STS: variants seen among roughly 807,000 people sequenced by gnomAD.
STS encodes steryl-sulfatase.
In STS, 7 loss-of-function variants were observed where a neutral mutation model predicts 26.8. That is an observed-to-expected ratio of 0.26 (90% CI 0.15 to 0.49). STS has a LOEUF of 0.49. STS is among the 20% of genes least tolerant of loss of function. The pLI is 0.98. For missense variants in STS, 434 were observed against 465.6 expected (o/e 0.93, Z 0.63); for synonymous variants, 199 against 189.4 (o/e 1.05, Z -0.42).
At chrX:7,299,154 G>A (rs1379715307) in intron 7 of STS, among the ~76,000 whole-genome samples, 3 of 88,422 alleles carry the variant, frequency 3.4e-5, no homozygotes, top group African/African-American at 1.3e-4. Context: ...TATATAAATT[G>A]TATAATTAAA....
At chrX:7,249,639 A>G (rs1426789156) in intron 2 of STS, among the ~76,000 whole-genome samples, 1 of 111,892 alleles carries the variant, frequency 8.9e-6, no homozygotes, top group African/African-American at 3.3e-5. Context: ...GAAAAGCCCT[A>G]GAAATACTGG....
intron 10 of STS, among the ~76,000 whole-genome samples, chrX:7,337,893 A>C (rs1928107491): frequency 8.9e-6 from 1 of 112,253 alleles, no homozygotes; most frequent in African/African-American, 3.2e-5. Flanking sequence ...TAAATGTTAT[A>C]ATTCCAAACT....
chrX:7,325,374 G>A lies in STS; in HGVS notation c.1117G>A (p.Val373Ile), dbSNP rs1927379542. 6 of 1,209,494 alleles carry A rather than the reference G, an allele frequency of 5.0e-6. No individual in the cohort carries two copies. The highest frequency in any genetic ancestry group is 3.5e-5 in the South Asian group (2 of 56,777). The change falls in exon 9 of 11, where the codon GTT becomes ATT. Residue 373 changes from valine to isoleucine, a missense_variant. Val to Ile is a conservative substitution (Grantham distance 29). This residue lies in a region of STS where 205 missense variants were observed against 177.3 expected (regional missense o/e 1.16). Coordinates refer to ENST00000674429, the MANE Select transcript of STS (RefSeq NM_001320752.2). ...KANNWEGGIRVPGILRWPRVI... is the reference protein window; with the variant it reads ...KANNWEGGIRIPGILRWPRVI... Reference sequence around the variant, plus strand: ...AAACAACTGGGAAGGAGGTATCCGGGTTCCAGGCATCCTTCGTTGGCCCAG... The same window carrying A: ...AAACAACTGGGAAGGAGGTATCCGGATTCCAGGCATCCTTCGTTGGCCCAG...
chrX:7,259,805 T>A, intron 6 of STS, 33 bp downstream of exon 6: 1 of 1,191,955 alleles, frequency 8.4e-7, no homozygotes. Flanking sequence ...ATGCTGCCTG[T>A]TAAAAAACAT....
rs1329657662 is a variant in STS, at chrX:7,308,940, AAATAG to A, written c.1081+3758_1081+3762del. On this transcript the variant is annotated intron_variant, in intron 8 of 10. Coordinates refer to ENST00000674429, the MANE Select transcript of STS (RefSeq NM_001320752.2). Reference sequence around the variant, plus strand: ...ATCATAGGATTTAACACCCTGTTTAAAATAGCATCCTTTCTAAACAATGATGACTT... The same window carrying A: ...ATCATAGGATTTAACACCCTGTTTAACATCCTTTCTAAACAATGATGACTT... Among the ~76,000 whole-genome samples, 6 of 112,046 alleles carry A rather than the reference AAATAG, an allele frequency of 5.4e-5. No homozygotes were observed. The East Asian group carries it at 1.7e-3, about 32-fold the overall frequency.
chrX:7,177,017 T>A (rs1456930355), intron 1 of STS, among the ~76,000 whole-genome samples: 1 of 111,924 alleles, frequency 8.9e-6, no homozygotes, highest in Non-Finnish European at 1.9e-5. Flanking sequence ...ACAGCGTGTA[T>A]CATTTTTCTT....
chrX:7,154,537 ATTC>A (rs756218343), intron 1 of STS, among the ~76,000 whole-genome samples: 4 of 112,573 alleles, frequency 3.6e-5, no homozygotes, highest in Non-Finnish European at 3.7e-5. Flanking sequence ...AAACAATGGA[ATTC>A]TTCTTCTTAT....
chrX:7,152,294 T>C (rs1367179667), intron 1 of STS, among the ~76,000 whole-genome samples: 1 of 111,687 alleles, frequency 9.0e-6, no homozygotes, highest in East Asian at 2.8e-4. Flanking sequence ...ATGTGTTAAG[T>C]TTACCAAGAT....
At chrX:7,272,863 C>T (rs749063914) in intron 6 of STS, among the ~76,000 whole-genome samples, 10 of 111,358 alleles carry the variant, frequency 9.0e-5, no homozygotes, top group Non-Finnish European at 1.7e-4. Context: ...ATTGAATCTC[C>T]GGGCTGGGTG....
chrX:7,197,228 G>T (rs1220861109), intron 2 of STS, among the ~76,000 whole-genome samples: 1 of 111,669 alleles, frequency 9.0e-6, no homozygotes, highest in African/African-American at 3.3e-5. Context: ...ACTATTTCTT[G>T]TGTGATTATT....
intron 2 of STS, among the ~76,000 whole-genome samples, chrX:7,240,265 C>A (rs1007673736): frequency 7.4e-5 from 8 of 108,501 alleles, no homozygotes; most frequent in African/African-American, 2.7e-4. Context: ...TACCTCCAGG[C>A]ACATTTTGGA....
intron 2 of STS, among the ~76,000 whole-genome samples, chrX:7,240,717 C>T (rs1400094012): frequency 9.2e-6 from 1 of 108,440 alleles, no homozygotes; most frequent in East Asian, 2.9e-4. Flanking sequence ...ACTTCACATC[C>T]AGGCAATTAC....
intron 8 of STS, among the ~76,000 whole-genome samples, chrX:7,324,686 G>A (rs765898037): frequency 9.0e-6 from 1 of 111,376 alleles, no homozygotes; most frequent in Non-Finnish European, 1.9e-5. Context: ...GGTAAAATGA[G>A]GCATGTCCAA....
intron 10 of STS, among the ~76,000 whole-genome samples, chrX:7,345,351 T>C (rs1928480401): frequency 8.9e-6 from 1 of 111,784 alleles, no homozygotes. Context: ...CATCTAAAGA[T>C]ATAAGTGATG....
chrX:7,205,189 G>T (rs1934184391), intron 2 of STS, among the ~76,000 whole-genome samples: 1 of 112,421 alleles, frequency 8.9e-6, no homozygotes, highest in Non-Finnish European at 1.9e-5. Context: ...CTTAGCAGGT[G>T]TTTCTCCTTC....
intron 10 of STS, among the ~76,000 whole-genome samples, chrX:7,337,791 C>T (rs141784729): frequency 0.032 from 3,570 of 111,391 alleles, 75 homozygotes; most frequent in African/African-American, 0.08. Context: ...CCCTCAGAGC[C>T]CTAGATTAAC....
chrX:7,265,405 C>G lies in STS; in HGVS notation c.806+5633C>G, dbSNP rs781155666. On this transcript the variant is annotated intron_variant, in intron 6 of 10. Coordinates refer to ENST00000674429, the MANE Select transcript of STS (RefSeq NM_001320752.2). ...TGTATTTTGACAGAAATTATTTAAT[C>G]TATTAGGTATATAAATATTCATATG... Among the ~76,000 whole-genome samples, 253 of 111,716 alleles carry G rather than the reference C, an allele frequency of 2.3e-3. 3 individuals carry two copies. The highest frequency in any genetic ancestry group is 7.8e-3 in the African/African-American group (241 of 30,814).
intron 9 of STS, among the ~76,000 whole-genome samples, chrX:7,330,230 G>A (rs1484150835): frequency 8.9e-6 from 1 of 112,047 alleles, no homozygotes; most frequent in African/African-American, 3.2e-5. Flanking sequence ...ATATCTAAAT[G>A]TATTAATTCA....
chrX:7,168,645 G>A (rs779772565), intron 1 of STS, among the ~76,000 whole-genome samples: 94 of 111,430 alleles, frequency 8.4e-4, no homozygotes, highest in Non-Finnish European at 1.5e-3. Flanking sequence ...GGTGGTGGAT[G>A]AGCTGTGCCC....
Sources: gnomAD v4.1 joint callset for allele counts (sites outside exome capture counted in the v4.1 genomes callset) on GRCh38, gnomAD v4.1.1 for gene constraint, gnomAD v4.1.1 regional missense constraint, MANE v1.5 for transcripts, NCBI Gene and HGNC (gene_info 2026-07-23, HGNC 2026-07-21) for gene names.